Variants in PNPLA2 observed in about 807,000 individuals in gnomAD.
PNPLA2 encodes the protein patatin-like phospholipase domain-containing protein 2.
Under a neutral mutation model 39.7 loss-of-function variants are expected in PNPLA2, and 28 were observed. The ratio of observed to expected loss-of-function variants is 0.70; its 90% CI spans 0.52 to 0.97. The LOEUF (loss-of-function observed/expected upper bound fraction) is 0.97. Ranked by LOEUF, PNPLA2 falls within the 50% of genes least tolerant of loss-of-function variation. The pLI is 0.00. For missense variants in PNPLA2, 768 were observed against 698.2 expected, an observed-to-expected ratio of 1.10 and a Z score of -1.13; for synonymous variants, 392 against 321.1, an observed-to-expected ratio of 1.22 and a Z score of -2.36.
Position 823,999 on chromosome 11 carries a change from C to G in PNPLA2, c.921C>G (p.Ala307=), listed in dbSNP as rs1020112056. The G allele has an allele frequency of 1.2e-6, 2 of 1,606,102 alleles. No homozygotes were observed. The highest frequency in any genetic ancestry group is 2.7e-5 in the African/African-American group (2 of 74,818). Residue 307 remains alanine (A), a splice_region_variant and synonymous_variant, in exon 8 of 10, where the codon GCC becomes GCG. Transcript: ENST00000336615. ...CGCCGACCTCCCGCCCACCCGCAGCCCTGCTGGAGGCCTGCGTGGAGCCCA... is the reference window on the plus strand; with the variant it reads ...CGCCGACCTCCCGCCCACCCGCAGCGCTGCTGGAGGCCTGCGTGGAGCCCA... ...LEHLPARLNE[A]LLEACVEPTD...
Position 822,564 on chromosome 11 carries a change from C to T in PNPLA2, c.654C>T (p.Asn218=). Reference sequence around the variant, plus strand: ...CCAGCATCCAGTTCAACCTGCGCAACCTCTACCGCCTCTCCAAGGCCCTCT... The same window carrying T: ...CCAGCATCCAGTTCAACCTGCGCAATCTCTACCGCCTCTCCAAGGCCCTCT... The part of the protein sequence containing the change: ...TNTSIQFNLR[N]LYRLSKALFP... Residue 218 remains asparagine, a synonymous_variant, in exon 5 of 10, where the codon AAC becomes AAT. Transcript: ENST00000336615. The T allele has an allele frequency of 6.2e-7, 1 of 1,613,960 alleles. No individual in the cohort carries two copies. The highest frequency in any genetic ancestry group is 2.2e-5 in the East Asian group (1 of 44,890).
chr11:819,472 G>T, intron 1 of PNPLA2, 102 bp from the exon 2 acceptor site: 2 of 1,214,834 alleles, frequency 1.6e-6, no homozygotes, highest in Non-Finnish European at 2.1e-6. Flanking sequence ...GGTCCCGAGG[G>T]CACGGCCGTT....
At chr11:820,113 GGGGCCCGCCTGTCT>G (rs1845619987) in intron 2 of PNPLA2, among the ~76,000 whole-genome samples, 3 of 152,258 alleles carry the variant, frequency 2.0e-5, no homozygotes, top group Non-Finnish European at 4.4e-5. Context: ...GAGGGTGCCC[GGGGCCCGCCTGTCT>G]GGCGCAAAGG....
At chr11:820,432 G>A (rs1210076318) in intron 2 of PNPLA2, among the ~76,000 whole-genome samples, 1 of 152,226 alleles carries the variant, frequency 6.6e-6, no homozygotes, top group Non-Finnish European at 1.5e-5. Context: ...GGGCTCTCCT[G>A]CCCTCTCCTT....
Position 819,596 on chromosome 11 carries a change from G to A in PNPLA2, c.-123G>A, listed in dbSNP as rs986393002. The A allele has an allele frequency of 1.6e-6, 2 of 1,274,740 alleles. No homozygotes were observed. The highest frequency in any genetic ancestry group is 2.0e-6 in the Non-Finnish European group (2 of 998,290). 79.0% of individuals were successfully genotyped at this position (1,274,740 alleles called of 1,614,324 possible). On this transcript the variant is annotated 5_prime_UTR_variant, in exon 2 of 10. Transcript: ENST00000336615. ...TAGCTTCTTCGCCTCCGCCAGCGGG[G>A]ACCCCGAGCTAGAGCCGCAGCGGGA...
In PNPLA2 at chr11:819,895, G is replaced by A. The variant is rs917822758; in HGVS notation, c.177G>A (p.Gly59=). Reference sequence around the variant, plus strand: ...TCACGGCCACGGCGCTGGTCACCGGGGTCTGCCTGGGTGAGCGGGGCCGGG... The same window carrying A: ...TCACGGCCACGGCGCTGGTCACCGGAGTCTGCCTGGGTGAGCGGGGCCGGG... The part of the protein sequence containing the change: ...GALTATALVT[G]VCLGEAGAKF... Residue 59 remains glycine (G), a synonymous_variant, in exon 2 of 10, where the codon GGG becomes GGA. Transcript: ENST00000336615. 1.4e-6 allele frequency: 2 copies of A among 1,408,838 alleles called. No individual in the cohort carries two copies. The highest frequency in any genetic ancestry group is 1.8e-6 in the Non-Finnish European group (2 of 1,082,766). 87.3% of individuals were successfully genotyped at this position (1,408,838 alleles called of 1,614,324 possible). A position where few individuals can be genotyped will look rare whatever the true frequency, so the allele number is the denominator to read the frequency against.
At chr11:820,149 G>A (rs1466514464) in intron 2 of PNPLA2, among the ~76,000 whole-genome samples, 1 of 152,246 alleles carries the variant, frequency 6.6e-6, no homozygotes, top group Non-Finnish European at 1.5e-5. Context: ...TTGGGGGCGG[G>A]CAGGTGCAGC....
chr11:822,210 C>G, intron 4 of PNPLA2, 187 bp downstream of exon 4: 1 of 758,680 alleles, frequency 1.3e-6, no homozygotes, highest in Non-Finnish European at 2.3e-6. Flanking sequence ...TTCCTCCGTC[C>G]CTGCCCTCCC....
chr11:824,779 C>A lies in PNPLA2; in HGVS notation c.1432C>A (p.Gln478Lys). ...APAPADPASP[Q>K]HQLAGPAPLL... ...CGCCCCCGCGGACCCAGCATCCCCG[C>A]AGCACCAGCTGGCCGGGCCTGCCCC... The change falls in exon 10 of 10, where the codon CAG (glutamine) becomes AAG (lysine). Residue 478 changes from glutamine to lysine, a missense_variant. Coordinates refer to ENST00000336615, the MANE Select transcript of PNPLA2 (RefSeq NM_020376.4). 6.5e-7 allele frequency: 1 copy of A among 1,538,840 alleles called. No homozygotes were observed. Among genetic ancestry groups the A allele is most frequent in the Non-Finnish European group, 8.7e-7 (1 of 1,148,388 alleles).
At chr11:822,175 C>T (rs1845688649) in intron 4 of PNPLA2, 152 bp downstream of exon 4, 11 of 787,478 alleles carry the variant, frequency 1.4e-5, no homozygotes, top group African/African-American at 5.1e-5. Context: ...GCTGTGGCAA[C>T]GCACGCTTCC....
rs756421868 is a variant in PNPLA2, at chr11:823,796, A to C, written c.860A>C (p.Tyr287Ser). 6.2e-7 allele frequency: 1 copy of C among 1,605,940 alleles called. No homozygotes were observed. Among genetic ancestry groups the C allele is most frequent in the East Asian group, 2.2e-5 (1 of 44,596 alleles). Residue 287 changes from tyrosine (Y) to serine (S), a missense_variant, in exon 7 of 10, where the codon TAC (tyrosine) becomes TCC (serine). Transcript: ENST00000336615. ...GTGGAGAGCGCCCAAGCGGAGGATT[A>C]CTCGCAGCTGCCCGGAGAAGATCAC... is the stretch of plus-strand genomic sequence containing the variant. ...QAVESAQAEDYSQLPGEDHIL... is the reference protein window; with the variant it reads ...QAVESAQAEDSSQLPGEDHIL...
chr11:824,790 G>C lies in PNPLA2; in HGVS notation c.1443G>C (p.Leu481=). Reference sequence around the variant, plus strand: ...ACCCAGCATCCCCGCAGCACCAGCTGGCCGGGCCTGCCCCCTTGCTGAGCA... The same window carrying C: ...ACCCAGCATCCCCGCAGCACCAGCTCGCCGGGCCTGCCCCCTTGCTGAGCA... ...PADPASPQHQ[L]AGPAPLLSTP... Residue 481 remains leucine, a synonymous_variant, in exon 10 of 10, where the codon CTG becomes CTC. Coordinates refer to ENST00000336615, the MANE Select transcript of PNPLA2 (RefSeq NM_020376.4). The C allele has an allele frequency of 6.5e-7, 1 of 1,532,806 alleles. No homozygotes were observed. Among genetic ancestry groups the C allele is most frequent in the East Asian group, 2.4e-5 (1 of 40,848 alleles). The allele number at this position is 1,532,806 out of a possible 1,614,324, so 95.0% of individuals were successfully genotyped here. A position where few individuals can be genotyped will look rare whatever the true frequency, so the allele number is the denominator to read the frequency against.
Position 822,574 on chromosome 11 carries a change from C to G in PNPLA2, c.664C>G (p.Leu222Val), listed in dbSNP as rs1845705481. Residue 222 changes from leucine (L) to valine (V), a missense_variant, in exon 5 of 10, where the codon CTC becomes GTC. Leu to Val is a conservative substitution (Grantham distance 32, BLOSUM62 1). Coordinates refer to ENST00000336615, the MANE Select transcript of PNPLA2 (RefSeq NM_020376.4). ...GTTCAACCTGCGCAACCTCTACCGCCTCTCCAAGGCCCTCTTCCCGCCGGA... is the reference window on the plus strand; with the variant it reads ...GTTCAACCTGCGCAACCTCTACCGCGTCTCCAAGGCCCTCTTCCCGCCGGA... ...IQFNLRNLYR[L>V]SKALFPPEPL... 1 of 1,613,832 alleles carries G rather than the reference C, an allele frequency of 6.2e-7. No homozygotes were observed. The highest frequency in any genetic ancestry group is 1.1e-5 in the South Asian group (1 of 91,090).
intron 2 of PNPLA2, chr11:821,193 C>G (rs900329278): frequency 7.7e-6 from 2 of 259,190 alleles, no homozygotes; most frequent in Non-Finnish European, 1.5e-5. Context: ...TTCCTAGGAA[C>G]TGGGCCCTGA....
rs758705623 is a variant in PNPLA2 at position 823,599 on chromosome 11, CG to C, written c.757+15del. 2 of 1,439,338 alleles carry C rather than the reference CG, an allele frequency of 1.4e-6. No individual in the cohort carries two copies. The highest frequency in any genetic ancestry group is 1.7e-5 in the Admixed American group (1 of 57,730). The allele number at this position is 1,439,338 out of a possible 1,614,324, so 89.2% of individuals were successfully genotyped here. On this transcript the variant is annotated intron_variant, in intron 6 of 9. Transcript: ENST00000336615. ...TCTGCAGCGGAACGGTGCGCGGACC[CG>C]GGCGGGAGAGGGCGGGGTGGGCTCG...
chr11:824,540 A>T lies in PNPLA2; in HGVS notation c.1193A>T (p.Glu398Val). 6.4e-7 allele frequency: 1 copy of T among 1,553,150 alleles called. No homozygotes were observed. The highest frequency in any genetic ancestry group is 8.7e-7 in the Non-Finnish European group (1 of 1,152,572). ...HLPSRLPEQV[E>V]LRRVQSLPSV... ...CCCCGCAGGCTGCCGGAGCAGGTGG[A>T]GCTGCGCCGCGTCCAGTCGCTGCCG... Residue 398 changes from glutamate (E) to valine (V), a missense_variant, in exon 10 of 10, where the codon GAG becomes GTG. Glu to Val is a moderately radical substitution (Grantham distance 121). Coordinates refer to ENST00000336615, the MANE Select transcript of PNPLA2 (RefSeq NM_020376.4).
Position 822,423 on chromosome 11 carries a change from C to T in PNPLA2, c.513C>T (p.Asp171=). Reference sequence around the variant, plus strand: ...GCTACGTGGATGGTGGCATTTCAGACAACCTGCCACTCTATGAGCTTAAGA... The same window carrying T: ...GCTACGTGGATGGTGGCATTTCAGATAACCTGCCACTCTATGAGCTTAAGA... ...GVRYVDGGIS[D]NLPLYELKNT... is the part of the protein sequence containing the mutation. The change falls in exon 5 of 10, where the codon GAC becomes GAT. Residue 171 remains aspartate (D), a synonymous_variant. Coordinates refer to ENST00000336615, the MANE Select transcript of PNPLA2 (RefSeq NM_020376.4). 1 of 1,613,960 alleles carries T rather than the reference C, an allele frequency of 6.2e-7. No homozygotes were observed. The highest frequency in any genetic ancestry group is 2.2e-5 in the East Asian group (1 of 44,886).
chr11:820,459 G>A (rs1190072854), intron 2 of PNPLA2, among the ~76,000 whole-genome samples: 1 of 152,242 alleles, frequency 6.6e-6, no homozygotes, highest in African/African-American at 2.4e-5. Flanking sequence ...GGTGCCCTGT[G>A]GCCTGGCTCC....
chr11:822,524 T>C lies in PNPLA2; in HGVS notation c.614T>C (p.Leu205Pro). 1.2e-6 allele frequency: 2 copies of C among 1,614,110 alleles called. No individual in the cohort carries two copies. The highest frequency in any genetic ancestry group is 8.5e-7 in the Non-Finnish European group (1 of 1,180,022). Residue 205 changes from leucine to proline, a missense_variant, in exon 5 of 10, where the codon CTG becomes CCG. Physicochemically the swap from Leu to Pro is moderately conservative, Grantham distance 98. Coordinates refer to ENST00000336615, the MANE Select transcript of PNPLA2 (RefSeq NM_020376.4). ...PQDSSTNIHE[L>P]RVTNTSIQFN... ...GACAGCTCCACCAACATCCACGAGCTGCGGGTCACCAACACCAGCATCCAG... is the reference window on the plus strand; with the variant it reads ...GACAGCTCCACCAACATCCACGAGCCGCGGGTCACCAACACCAGCATCCAG...
Sources: gnomAD v4.1 joint callset for allele counts (sites outside exome capture counted in the v4.1 genomes callset) on GRCh38, gnomAD v4.1.1 for gene constraint, MANE v1.5 for transcripts, NCBI Gene and HGNC (gene_info 2026-07-23, HGNC 2026-07-21) for gene names.